The following UMAD1 variants were observed in gnomAD, a reference collection of about 807,000 sequenced individuals.
UMAD1 encodes the protein UBAP1-MVB12-associated (UMA) domain containing 1.
In UMAD1, 8 loss-of-function variants were observed where a neutral mutation model predicts 6.1. The ratio of observed to expected loss-of-function variants is 1.30; its 90% CI spans 0.76 to 2.35. UMAD1 has a LOEUF of 2.35. Ranked by LOEUF, UMAD1 falls within the 30% of genes most tolerant of loss-of-function variation. The pLI is 0.00. For synonymous variants in UMAD1, 56 were observed against 31.4 expected, an observed-to-expected ratio of 1.78 and a Z score of -2.61; for missense variants, 130 against 78.4, an observed-to-expected ratio of 1.66 and a Z score of -2.49.
intron 3 of UMAD1, among the ~76,000 whole-genome samples, chr7:7,827,261 A>G (rs2115301806): frequency 6.6e-6 from 1 of 152,026 alleles, no homozygotes; most frequent in East Asian, 1.9e-4. Context: ...CACGTAGTGT[A>G]GACTAAATTC....
chr7:7,720,901 A>G (rs1293274933), intron 2 of UMAD1, among the ~76,000 whole-genome samples: 1 of 152,208 alleles, frequency 6.6e-6, no homozygotes, highest in Non-Finnish European at 1.5e-5. Context: ...TTGAAATATA[A>G]TCTGTTTGCA....
At chr7:7,774,926 T>C (rs770854346) in intron 2 of UMAD1, among the ~76,000 whole-genome samples, 24 of 152,218 alleles carry the variant, frequency 1.6e-4, no homozygotes. Flanking sequence ...AAAGGTAACC[T>C]GTATCCTTAT....
At chr7:7,643,625 T>TC (rs1230765808) in intron 1 of UMAD1, among the ~76,000 whole-genome samples, 1 of 150,374 alleles carries the variant, frequency 6.7e-6, no homozygotes, top group Admixed American at 6.7e-5. Flanking sequence ...GGCAGGAGAA[T>TC]GGCGTGAACC....
chr7:7,773,129 G>C (rs1296108529), intron 2 of UMAD1, among the ~76,000 whole-genome samples: 8 of 152,038 alleles, frequency 5.3e-5, no homozygotes, highest in Non-Finnish European at 1.2e-4. Flanking sequence ...TGAGAGATTT[G>C]CCTTCAAAAC....
chr7:7,732,737 C>T (rs1042373101), intron 2 of UMAD1, among the ~76,000 whole-genome samples: 1 of 152,130 alleles, frequency 6.6e-6, no homozygotes, highest in Non-Finnish European at 1.5e-5. Context: ...TAACACAGTC[C>T]CATAAAATAT....
chr7:7,835,462 CTTTTTTTTTTTT>C (rs150411259), intron 3 of UMAD1, among the ~76,000 whole-genome samples: 2 of 33,654 alleles, frequency 5.9e-5, no homozygotes, highest in Non-Finnish European at 1.1e-4. Context: ...TGAAACAGCA[CTTTTTTTTTTTT>C]TTTTTTTTTT....
intron 2 of UMAD1, among the ~76,000 whole-genome samples, chr7:7,709,508 T>C (rs1780694523): frequency 6.6e-6 from 1 of 152,158 alleles, no homozygotes; most frequent in Non-Finnish European, 1.5e-5. Flanking sequence ...AGAAGGTGAA[T>C]GACTGGGGGA....
chr7:7,794,830 G>C (rs996426885), intron 2 of UMAD1, among the ~76,000 whole-genome samples: 3 of 152,184 alleles, frequency 2.0e-5, no homozygotes, highest in Non-Finnish European at 4.4e-5. Flanking sequence ...AGATCTAGGA[G>C]AGATGAAATG....
At chr7:7,714,134 G>A (rs149064606) in intron 2 of UMAD1, among the ~76,000 whole-genome samples, 75 of 152,324 alleles carry the variant, frequency 4.9e-4, no homozygotes, top group African/African-American at 1.6e-3. Context: ...CAGAGAGGGT[G>A]GTACAAATGA....
intron 3 of UMAD1, among the ~76,000 whole-genome samples, chr7:7,841,165 C>G (rs1783672577): frequency 6.6e-6 from 1 of 152,130 alleles, no homozygotes; most frequent in Admixed American, 6.5e-5. Flanking sequence ...CTCTTACTCC[C>G]TTCTCTGCAA....
At chr7:7,673,162 A>G (rs1318711385) in intron 1 of UMAD1, 147 bp from the exon 2 acceptor site, 8 of 672,856 alleles carry the variant, frequency 1.2e-5, no homozygotes, top group Admixed American at 6.9e-5. Flanking sequence ...GTCGGCTGAC[A>G]TCTAGAGAAG....
intron 2 of UMAD1, among the ~76,000 whole-genome samples, chr7:7,730,096 C>A (rs1027062633): frequency 3.3e-5 from 5 of 152,194 alleles, no homozygotes; most frequent in Non-Finnish European, 2.9e-5. Context: ...ATTAAGCATT[C>A]CTGGAAAAAA....
intron 1 of UMAD1, among the ~76,000 whole-genome samples, chr7:7,642,844 C>G (rs1168552214): frequency 6.6e-6 from 1 of 152,126 alleles, no homozygotes; most frequent in Non-Finnish European, 1.5e-5. Flanking sequence ...TTGTGTTAAG[C>G]TTCCTAAGCT....
At chr7:7,645,269 G>A (rs1785068032) in intron 1 of UMAD1, among the ~76,000 whole-genome samples, 5 of 152,152 alleles carry the variant, frequency 3.3e-5, no homozygotes, top group Admixed American at 3.3e-4. Flanking sequence ...TAGAAATAGT[G>A]TTTAAGTCAA....
At chr7:7,814,951 C>T (rs12668855) in intron 3 of UMAD1, among the ~76,000 whole-genome samples, 31,114 of 152,046 alleles carry the variant, frequency 0.2, 3,138 homozygotes, top group Middle Eastern at 0.26. Context: ...CAGGGTGTAC[C>T]GCAGGCATCT....
intron 3 of UMAD1, among the ~76,000 whole-genome samples, chr7:7,818,425 C>T (rs1783174133): frequency 6.6e-6 from 1 of 152,154 alleles, no homozygotes; most frequent in Admixed American, 6.5e-5. Context: ...AGCTCAACAT[C>T]ACTGATCATC....
chr7:7,640,876 GAAC>G (rs1784953813), intron 1 of UMAD1, 55 bp downstream of exon 1: 1 of 179,686 alleles, frequency 5.6e-6, no homozygotes, highest in South Asian at 9.0e-5. Flanking sequence ...TTCTTCCCGC[GAAC>G]AGAGTCAAAA....
At chr7:7,699,575 T>C (rs17169553) in intron 2 of UMAD1, among the ~76,000 whole-genome samples, 7,793 of 152,298 alleles carry the variant, frequency 0.051, 250 homozygotes, top group Middle Eastern at 0.12. Context: ...CTGGATGTGA[T>C]GGTCCAATCT....
intron 3 of UMAD1, among the ~76,000 whole-genome samples, chr7:7,872,696 C>T (rs912200750): frequency 1.3e-5 from 2 of 152,070 alleles, no homozygotes; most frequent in African/African-American, 4.8e-5. Context: ...TATGAAGTAC[C>T]GTAAAGCAAA....
Sources: allele counts gnomAD v4.1 joint callset (sites outside exome capture counted in the v4.1 genomes callset), GRCh38; gene constraint gnomAD v4.1.1; transcripts MANE v1.5; gene names NCBI Gene and HGNC (gene_info 2026-07-23, HGNC 2026-07-21).